Variants in LARGE1 observed in about 807,000 individuals in gnomAD.
The protein encoded by LARGE1 is xylosyl- and glucuronyltransferase LARGE1.
In LARGE1, 43 loss-of-function variants were observed where a neutral mutation model predicts 87.6. The ratio of observed to expected loss-of-function variants is 0.49; its 90% CI spans 0.38 to 0.63. The LOEUF (loss-of-function observed/expected upper bound fraction) is 0.63, where lower values mean the gene tolerates loss of function less well. LARGE1 is among the 30% of genes least tolerant of loss of function. The pLI, the probability that LARGE1 is intolerant of heterozygous loss-of-function variation, is 0.00. For synonymous variants in LARGE1, 434 were observed against 394.6 expected, an observed-to-expected ratio of 1.10 and a Z score of -1.18; for missense variants, 802 against 1,000.2, an observed-to-expected ratio of 0.80 and a Z score of 2.67.
At chr22:33,276,995 T>C in intron 14 of LARGE1, 65 bp downstream of exon 14, 1 of 1,491,414 alleles carries the variant, frequency 6.7e-7, no homozygotes, top group Non-Finnish European at 9.4e-7. Flanking sequence ...CAAGGATCCC[T>C]TAAGCTCTAG....
intron 1 of LARGE1, among the ~76,000 whole-genome samples, chr22:33,909,834 G>A (rs866076515): frequency 1.3e-5 from 2 of 151,994 alleles, no homozygotes; most frequent in East Asian, 1.9e-4. Context: ...CACCACGCCC[G>A]GCCTAACTCA....
At chr22:33,072,905 G>A in the LARGE1 span, among the ~76,000 whole-genome samples, 1 of 152,142 alleles carries the variant, frequency 6.6e-6, no homozygotes, top group Non-Finnish European at 1.5e-5. Flanking sequence ...TCTATGAAAC[G>A]CCAGGGCTGG....
At chr22:33,812,058 C>T (rs1306366142) in intron 1 of LARGE1, among the ~76,000 whole-genome samples, 2 of 152,198 alleles carry the variant, frequency 1.3e-5, no homozygotes, top group Non-Finnish European at 2.9e-5. Context: ...TATAACAATG[C>T]ATTAAAAGGG....
intron 2 of LARGE1, among the ~76,000 whole-genome samples, chr22:33,716,675 C>T (rs1418800581): frequency 6.6e-6 from 1 of 152,242 alleles, no homozygotes; most frequent in Non-Finnish European, 1.5e-5. Flanking sequence ...GCTGGGATTA[C>T]AGGCATGAGC....
intron 6 of LARGE1, among the ~76,000 whole-genome samples, chr22:33,460,929 A>G (rs2068356458): frequency 6.6e-6 from 1 of 152,130 alleles, no homozygotes; most frequent in African/African-American, 2.4e-5. Context: ...AATCATACCT[A>G]TCTTGTTGGT....
chr22:33,121,983 G>C, the LARGE1 span, among the ~76,000 whole-genome samples: 1 of 152,074 alleles, frequency 6.6e-6, no homozygotes, highest in Non-Finnish European at 1.5e-5. Flanking sequence ...TTCCCACCAG[G>C]TCCTTCCCAT....
chr22:33,238,161 C>G lies in LARGE1; in HGVS notation c.1730+66068G>C, dbSNP rs114166611. Among the ~76,000 whole-genome samples, 1,446 of 152,116 alleles carry G rather than the reference C, an allele frequency of 9.5e-3. 25 individuals carry two copies. Among genetic ancestry groups the G allele is most frequent in the African/African-American group, 0.032 (1,328 of 41,498 alleles). ...TTTTAAAGGAGCACAAATATAACTT[C>G]AATTAATTAAAAACTCAGCAGTTAG... On this transcript the variant is annotated intron_variant, in intron 11 of 11. Coordinates refer to the LARGE1 transcript ENST00000608642.
the LARGE1 span, among the ~76,000 whole-genome samples, chr22:33,132,272 C>T: frequency 1.3e-5 from 2 of 152,032 alleles, no homozygotes; most frequent in Non-Finnish European, 2.9e-5. Context: ...CAGCCTCGAC[C>T]TTTCTGGCGC....
At chr22:33,217,810 A>T (rs1241211480) in intron 11 of LARGE1, among the ~76,000 whole-genome samples, 1 of 152,170 alleles carries the variant, frequency 6.6e-6, no homozygotes, top group Non-Finnish European at 1.5e-5. Context: ...CTTAACCAGG[A>T]TCTCACTGTG....
At chr22:33,162,996 C>T (rs1370477651) in exon 12 of LARGE1, 1 of 152,190 alleles carries the variant, frequency 6.6e-6, no homozygotes, top group Non-Finnish European at 1.5e-5. Context: ...GGTGTCTTCT[C>T]AGATTCTCTT....
At chr22:33,662,645 G>T (rs1305803714) in intron 2 of LARGE1, among the ~76,000 whole-genome samples, 2 of 152,132 alleles carry the variant, frequency 1.3e-5, no homozygotes, top group Non-Finnish European at 2.9e-5. Context: ...TCAAAGATAA[G>T]GGGGACTCTG....
At position 33,273,310 on chromosome 22, in the gene LARGE1, G is replaced by A. The variant is rs1261611729; in HGVS notation, c.*1117C>T. ...TGGACAGGTCCCAAAGGGAGACTGA[G>A]GTTGTCACCTCTTCCCATCCACAGT... is the stretch of plus-strand genomic sequence containing the variant. On this transcript the variant is annotated 3_prime_UTR_variant, in exon 15 of 15. Transcript: ENST00000397394. 2.5e-6 allele frequency: 1 copy of A among 398,184 alleles called. No homozygotes were observed. The highest frequency in any genetic ancestry group is 2.1e-5 in the African/African-American group (1 of 48,638). 24.7% of individuals were successfully genotyped at this position (398,184 alleles called of 1,614,324 possible).
chr22:33,170,160 G>A (rs1922487441), intron 11 of LARGE1, among the ~76,000 whole-genome samples: 1 of 152,020 alleles, frequency 6.6e-6, no homozygotes, highest in Non-Finnish European at 1.5e-5. Flanking sequence ...CTTGAGGTCA[G>A]GAGTTCTAGA....
At chr22:33,318,761 A>G (rs1180816084) in intron 10 of LARGE1, among the ~76,000 whole-genome samples, 1 of 151,848 alleles carries the variant, frequency 6.6e-6, no homozygotes, top group Admixed American at 6.6e-5. Flanking sequence ...AAAAAATGAT[A>G]ATTTGCCAAA....
chr22:33,380,569 T>A (rs2065124709), intron 9 of LARGE1, among the ~76,000 whole-genome samples: 1 of 152,208 alleles, frequency 6.6e-6, no homozygotes, highest in Non-Finnish European at 1.5e-5. Context: ...TTGGATATGA[T>A]GTTCATTAAC....
chr22:33,750,940 TA>T (rs2084292675), intron 2 of LARGE1: 2 of 152,320 alleles, frequency 1.3e-5, no homozygotes, highest in South Asian at 4.1e-4. Flanking sequence ...GTTTCATTCT[TA>T]AAAAGCATTT....
At chr22:33,173,381 C>A (rs1444050026) in intron 11 of LARGE1, among the ~76,000 whole-genome samples, 1 of 152,124 alleles carries the variant, frequency 6.6e-6, no homozygotes, top group Non-Finnish European at 1.5e-5. Flanking sequence ...ATAAACGGTA[C>A]CAGCCACTGC....
chr22:33,861,371 C>T (rs1214444715), intron 1 of LARGE1, among the ~76,000 whole-genome samples: 11 of 151,984 alleles, frequency 7.2e-5, no homozygotes, highest in African/African-American at 2.7e-4. Flanking sequence ...TTCCTCACTC[C>T]CACTCCTCAC....
intron 1 of LARGE1, among the ~76,000 whole-genome samples, chr22:33,892,898 C>T (rs549108333): frequency 1.2e-3 from 183 of 152,360 alleles, no homozygotes; most frequent in African/African-American, 4.2e-3. Flanking sequence ...TGCAGGCACA[C>T]ATCATGCCCT....
Sources: gnomAD v4.1 joint callset for allele counts (sites outside exome capture counted in the v4.1 genomes callset) on GRCh38, gnomAD v4.1.1 for gene constraint, MANE v1.5 for transcripts, NCBI Gene and HGNC (gene_info 2026-07-23, HGNC 2026-07-21) for gene names.